Variants in CLCN1 observed in about 807,000 individuals in gnomAD.
CLCN1 encodes chloride voltage-gated channel 1, also known as chloride channel protein 1.
CLCN1 carries 100 observed loss-of-function variants against 114.5 expected under a neutral mutation model. That is an observed-to-expected ratio of 0.87 (90% CI 0.74 to 1.03). CLCN1 has a LOEUF of 1.03. Ranked by LOEUF, CLCN1 falls within the 50% of genes least tolerant of loss-of-function variation. The pLI is 0.00. For missense variants in CLCN1, 1,188 were observed against 1,250.0 expected (o/e 0.95, Z 0.75); for synonymous variants, 485 against 487.1 (o/e 1.00, Z 0.06).
chr7:143,320,561 C>T, intron 2 of CLCN1, 103 bp from the exon 3 acceptor site: 2 of 716,416 alleles, frequency 2.8e-6, no homozygotes, highest in African/African-American at 1.8e-5. Flanking sequence ...TTTTCTCTCT[C>T]TCTCTCTCTC....
At position 143,339,760 on chromosome 7, in the gene CLCN1, A is replaced by T. The variant is rs1299984179; in HGVS notation, c.1582+139A>T. The T allele has an allele frequency of 1.4e-6, 1 of 695,042 alleles. No homozygotes were observed. Among genetic ancestry groups the T allele is most frequent in the Non-Finnish European group, 2.6e-6 (1 of 380,898 alleles). The allele number at this position is 695,042 out of a possible 1,614,324, so 43.1% of individuals were successfully genotyped here. A position where few individuals can be genotyped will look rare whatever the true frequency, so the allele number is the denominator to read the frequency against. On this transcript the variant is annotated intron_variant, in intron 14 of 22. Transcript: ENST00000343257. This position sits in a 1 kb window ranked among gnomAD's most constrained non-coding sequence, Gnocchi z 4.1. ...GCTACTTAACTCAACTTTTACTCAGATAACATACCCATGGCTCTGACTCTC... is the reference window on the plus strand; with the variant it reads ...GCTACTTAACTCAACTTTTACTCAGTTAACATACCCATGGCTCTGACTCTC...
intron 7 of CLCN1, among the ~76,000 whole-genome samples, chr7:143,327,222 CG>C (rs1802598599): frequency 1.3e-5 from 2 of 148,956 alleles, no homozygotes; most frequent in African/African-American, 5.0e-5. Context: ...CACTCCAGTC[CG>C]GGCAACAGAG....
chr7:143,337,590 T>C (rs1012125576), intron 12 of CLCN1, among the ~76,000 whole-genome samples: 8 of 152,152 alleles, frequency 5.3e-5, no homozygotes, highest in African/African-American at 1.4e-4. Flanking sequence ...GCTCTAAAAT[T>C]GTGAATACTT....
intron 18 of CLCN1, 33 bp downstream of exon 18, chr7:143,346,284 C>A (rs56680997): frequency 1.4e-6 from 2 of 1,405,474 alleles, no homozygotes; most frequent in African/African-American, 1.4e-5. Flanking sequence ...CCCAACTCAC[C>A]CCTTGTGGGT....
chr7:143,339,642 C>T lies in CLCN1; in HGVS notation c.1582+21C>T, dbSNP rs1803025847. 4.9e-6 allele frequency: 7 copies of T among 1,429,964 alleles called. No individual in the cohort carries two copies. The highest frequency in any genetic ancestry group is 6.9e-6 in the Non-Finnish European group (7 of 1,012,048). The allele number at this position is 1,429,964 out of a possible 1,614,324, so 88.6% of individuals were successfully genotyped here. The stretch of plus-strand genomic sequence containing the variant: ...AATTGGTGAGAAACATTCCCACTTC[C>T]CTGTAATCAAACATTGAGTACTTCA... On this transcript the variant is annotated intron_variant, in intron 14 of 22. Transcript: ENST00000343257. This position sits in a 1 kb window ranked among gnomAD's most constrained non-coding sequence, Gnocchi z 4.1.
intron 12 of CLCN1, among the ~76,000 whole-genome samples, chr7:143,336,410 G>C (rs1038092417): frequency 7.2e-5 from 11 of 151,822 alleles, no homozygotes; most frequent in African/African-American, 2.7e-4. Context: ...AAGAGTTTGA[G>C]ACCAGCCTGG....
rs1802528255 is a variant in CLCN1, at chr7:143,324,469, G to A, written c.830G>A (p.Cys277Tyr). Residue 277 changes from cysteine to tyrosine, a missense_variant, in exon 7 of 23, where the codon TGT (cysteine) becomes TAT (tyrosine). By Grantham distance (194) the Cys-to-Tyr change is radical. Transcript: ENST00000343257. This position sits in a 1 kb window ranked among gnomAD's most constrained non-coding sequence, Gnocchi z 4.6. Reference protein sequence around the residue: ...LTVGCAVGVGCCFGTPLGGVL... With the variant: ...LTVGCAVGVGYCFGTPLGGVL... ...GTGGGCTGTGCTGTGGGAGTCGGCTGTTGTTTTGGGACACCACTTGGAGGC... is the reference window on the plus strand; with the variant it reads ...GTGGGCTGTGCTGTGGGAGTCGGCTATTGTTTTGGGACACCACTTGGAGGC... 1 of 1,613,934 alleles carries A rather than the reference G, an allele frequency of 6.2e-7. No individual in the cohort carries two copies. The highest frequency in any genetic ancestry group is 8.5e-7 in the Non-Finnish European group (1 of 1,179,952).
In CLCN1 at chr7:143,324,448, G is replaced by A. The variant is rs1490537212; in HGVS notation, c.809G>A (p.Gly270Asp). 2 of 1,613,908 alleles carry A rather than the reference G, an allele frequency of 1.2e-6. No individual in the cohort carries two copies. Among genetic ancestry groups the A allele is most frequent in the African/African-American group, 1.3e-5 (1 of 74,984 alleles). The change falls in exon 7 of 23, where the codon GGC (glycine) becomes GAC (aspartate). Residue 270 changes from glycine to aspartate, a missense_variant. Transcript: ENST00000343257. This position sits in a 1 kb window ranked among gnomAD's most constrained non-coding sequence, Gnocchi z 4.6. ...TACTACTCTGATATCCTGACGGTGG[G>A]CTGTGCTGTGGGAGTCGGCTGTTGT... The part of the protein sequence containing the change: ...PYYYSDILTV[G>D]CAVGVGCCFG...
rs111341785 is a variant in CLCN1, at chr7:143,321,318, G to A, written c.434-47G>A. On this transcript the variant is annotated intron_variant, in intron 3 of 22. Transcript: ENST00000343257. This position sits in a 1 kb window ranked among gnomAD's most constrained non-coding sequence, Gnocchi z 4.2. ...GTACACGTCCTGGTGCCGTGGACACGGCTGCTCAGCCATGTTCTGCCTAAC... is the reference window on the plus strand; with the variant it reads ...GTACACGTCCTGGTGCCGTGGACACAGCTGCTCAGCCATGTTCTGCCTAAC... 1.3e-5 allele frequency: 21 copies of A among 1,611,450 alleles called. No homozygotes were observed. In the Admixed American group the frequency reaches 2.3e-4, roughly 18 times the overall value.
At chr7:143,327,402 T>C (rs958850666) in intron 7 of CLCN1, among the ~76,000 whole-genome samples, 1 of 152,108 alleles carries the variant, frequency 6.6e-6, no homozygotes, top group African/African-American at 2.4e-5. Context: ...CGGGAAATAC[T>C]GTCGGGGTGA....
chr7:143,332,572 A>G, intron 11 of CLCN1, 69 bp downstream of exon 11: 1 of 1,524,846 alleles, frequency 6.6e-7, no homozygotes, highest in Non-Finnish European at 9.1e-7. Context: ...TCAGAGCATA[A>G]GTAGTTTTGT....
intron 12 of CLCN1, among the ~76,000 whole-genome samples, chr7:143,334,272 C>T (rs1802811625): frequency 6.6e-6 from 1 of 151,118 alleles, no homozygotes; most frequent in Non-Finnish European, 1.5e-5. Flanking sequence ...ATCTTTTTTA[C>T]TAATAGTATG....
At position 143,351,852 on chromosome 7, in the gene CLCN1, G is replaced by C; in HGVS notation, c.2854G>C (p.Glu952Gln). 6.2e-7 allele frequency: 1 copy of C among 1,613,752 alleles called. No homozygotes were observed. Among genetic ancestry groups the C allele is most frequent in the Non-Finnish European group, 8.5e-7 (1 of 1,179,632 alleles). Residue 952 changes from glutamate (E) to glutamine (Q), a missense_variant, in exon 23 of 23, where the codon GAG becomes CAG. By Grantham distance (29) the Glu-to-Gln change is conservative. Transcript: ENST00000343257. ...CCCAGGCAAGGTAGAGGGCGAGTTG[G>C]AGGAGCTGGAGCTGGTGGAGAGTCC... is the stretch of plus-strand genomic sequence containing the variant. Reference protein sequence around the residue: ...LAPGKVEGELEELELVESPGL... With the variant: ...LAPGKVEGELQELELVESPGL...
intron 20 of CLCN1, among the ~76,000 whole-genome samples, chr7:143,347,985 G>A (rs1803302472): frequency 6.6e-6 from 1 of 152,126 alleles, no homozygotes; most frequent in African/African-American, 2.4e-5. Flanking sequence ...ATTCCATATG[G>A]TAAAAGAATG....
chr7:143,351,572 T>A (rs939731573), intron 22 of CLCN1, 22 bp from the exon 23 acceptor site: 3 of 1,613,600 alleles, frequency 1.9e-6, no homozygotes, highest in African/African-American at 2.7e-5. Context: ...TTACCCTCTT[T>A]TCCTTTCCCA....
In CLCN1 at chr7:143,329,367, T is replaced by C. The variant is rs370867289; in HGVS notation, c.854-1405T>C. Among the ~76,000 whole-genome samples the C allele has an allele frequency of 6.6e-5, 10 of 152,288 alleles. 1 individual carries two copies. The South Asian group carries it at 1.4e-3, about 22-fold the overall frequency. ...AACCCAAAATTCTGAGAGCGCAGGCTGAAGGACGGATGGTTTCGACCTGAA... is the reference window on the plus strand; with the variant it reads ...AACCCAAAATTCTGAGAGCGCAGGCCGAAGGACGGATGGTTTCGACCTGAA... On this transcript the variant is annotated intron_variant, in intron 7 of 22. Transcript: ENST00000343257.
At chr7:143,317,567 T>C (rs920351359) in intron 1 of CLCN1, among the ~76,000 whole-genome samples, 1 of 151,288 alleles carries the variant, frequency 6.6e-6, no homozygotes, top group South Asian at 2.1e-4. Flanking sequence ...CTTAAAAGGC[T>C]TTTTTTTCTT....
In CLCN1 at chr7:143,331,275, C is replaced by A. The variant is rs1351015503; in HGVS notation, c.1023C>A (p.Phe341Leu). Reference protein sequence around the residue: ...ALFRTNFRMDFPFDLKELPAF... With the variant: ...ALFRTNFRMDLPFDLKELPAF... ...TCAGAACCAATTTCCGAATGGATTT[C>A]CCCTTTGACCTGAAGGAACTACCAG... Residue 341 changes from phenylalanine (F) to leucine (L), a missense_variant, in exon 9 of 23, where the codon TTC (phenylalanine) becomes TTA (leucine). Coordinates refer to ENST00000343257, the MANE Select transcript of CLCN1 (RefSeq NM_000083.3). 2 of 1,613,664 alleles carry A rather than the reference C, an allele frequency of 1.2e-6. No homozygotes were observed. The highest frequency in any genetic ancestry group is 2.7e-5 in the African/African-American group (2 of 74,932).
chr7:143,339,198 T>C lies in CLCN1; in HGVS notation c.1402-55T>C. ...AGGATAGTGGGAAGGGAATTGTGTG[T>C]GCATGTCTATTGGGCAGAGTTGAAA... On this transcript the variant is annotated intron_variant, in intron 12 of 22. Coordinates refer to ENST00000343257, the MANE Select transcript of CLCN1 (RefSeq NM_000083.3). This position sits in a 1 kb window ranked among gnomAD's most constrained non-coding sequence, Gnocchi z 4.1. The C allele has an allele frequency of 9.1e-7, 1 of 1,099,202 alleles. No homozygotes were observed. Among genetic ancestry groups the C allele is most frequent in the Admixed American group, 1.7e-5 (1 of 59,418 alleles). The allele number at this position is 1,099,202 out of a possible 1,614,324, so 68.1% of individuals were successfully genotyped here.
Sources: gnomAD v4.1 joint callset for allele counts (sites outside exome capture counted in the v4.1 genomes callset) on GRCh38, gnomAD v4.1.1 for gene constraint, Gnocchi (gnomAD v3.1) non-coding constraint, MANE v1.5 for transcripts, NCBI Gene and HGNC (gene_info 2026-07-23, HGNC 2026-07-21) for gene names.